Variants in DLEU7 observed in about 807,000 individuals in gnomAD.
DLEU7 encodes the protein leukemia-associated protein 7.
Under a neutral mutation model 16.0 loss-of-function variants are expected in DLEU7, and 17 were observed. The ratio of observed to expected loss-of-function variants is 1.06; its 90% confidence interval spans 0.73 to 1.59. DLEU7 has a LOEUF of 1.59. DLEU7 is among the 40% of genes most tolerant of loss of function. The pLI, the probability that DLEU7 is intolerant of heterozygous loss-of-function variation, is 0.00. For synonymous variants in DLEU7, 113 were observed against 139.8 expected (o/e 0.81, Z 1.35); for missense variants, 308 against 314.9 (o/e 0.98, Z 0.17).
At chr13:50,723,795 T>G (rs1278333469) in intron 1 of DLEU7, among the ~76,000 whole-genome samples, 1 of 151,926 alleles carries the variant, frequency 6.6e-6, no homozygotes, top group Non-Finnish European at 1.5e-5. Context: ...TGAATCTTTC[T>G]GGGGTGCAGT....
At chr13:50,818,652 A>G (rs953646668), downstream of DLEU7, 2 of 152,166 alleles carry the variant, frequency 1.3e-5, no homozygotes, top group African/African-American at 2.4e-5. Flanking sequence ...GCTTCTAACA[A>G]TGGAAATGTA....
chr13:50,784,466 GGGA>G (rs1364908592), intron 1 of DLEU7, among the ~76,000 whole-genome samples: 2 of 152,194 alleles, frequency 1.3e-5, no homozygotes, highest in African/African-American at 4.8e-5. Context: ...TCCATCTCAA[GGGA>G]GGAGAAGCAA....
At chr13:50,813,527 G>T (rs575388854) in intron 1 of DLEU7, among the ~76,000 whole-genome samples, 50 of 152,034 alleles carry the variant, frequency 3.3e-4, no homozygotes, top group African/African-American at 1.2e-3. Flanking sequence ...GATTCTAGGA[G>T]ATTTTTTCCA....
intron 1 of DLEU7, among the ~76,000 whole-genome samples, chr13:50,737,728 T>G (rs573291039): frequency 6.6e-6 from 1 of 152,104 alleles, no homozygotes; most frequent in Non-Finnish European, 1.5e-5. Flanking sequence ...TCTAATTCCC[T>G]GAGACACAAC....
At chr13:50,784,495 A>G (rs977210505) in intron 1 of DLEU7, among the ~76,000 whole-genome samples, 1 of 152,218 alleles carries the variant, frequency 6.6e-6, no homozygotes, top group African/African-American at 2.4e-5. Context: ...ATTTTCGATC[A>G]CATTATTCTC....
rs758164846 is a variant in DLEU7, at chr13:50,843,221, G to C, written c.426C>G (p.Leu142=). ...VSVEQTLLGP[L]QQERSFPIHL... ...GAATGGGAAAGGACCGCTCCTGCTG[G>C]AGGGGCCCCAGCAGCGTCTGCTCCA... The change falls in exon 1 of 2, where the codon CTC becomes CTG. Residue 142 remains leucine, a synonymous_variant. Coordinates refer to ENST00000504404, the MANE Select transcript of DLEU7 (RefSeq NM_001306135.2). The surrounding 1 kb of genome is among the most constrained non-coding windows in gnomAD (Gnocchi z 5.7). 1.9e-6 allele frequency: 3 copies of C among 1,593,960 alleles called. No individual in the cohort carries two copies. The highest frequency in any genetic ancestry group is 3.4e-5 in the Admixed American group (2 of 58,784).
At chr13:50,835,332 C>T (rs1048296979) in intron 1 of DLEU7, among the ~76,000 whole-genome samples, 16 of 152,174 alleles carry the variant, frequency 1.1e-4, no homozygotes, top group African/African-American at 3.9e-4. Context: ...GCTGTAGCTG[C>T]TCCGGTGGGG....
chr13:50,786,014 G>A (rs1875785318), intron 1 of DLEU7, among the ~76,000 whole-genome samples: 1 of 152,176 alleles, frequency 6.6e-6, no homozygotes, highest in African/African-American at 2.4e-5. Context: ...ATGAAAATTA[G>A]GTGGAGAAAC....
chr13:50,749,337 T>G (rs56290611), intron 1 of DLEU7, among the ~76,000 whole-genome samples: 1 of 152,172 alleles, frequency 6.6e-6, no homozygotes, highest in African/African-American at 2.4e-5. Flanking sequence ...CACTCTTTGA[T>G]TGATGGGCAT....
chr13:50,814,284 A>G (rs1265643673), intron 1 of DLEU7, among the ~76,000 whole-genome samples: 1 of 152,014 alleles, frequency 6.6e-6, no homozygotes, highest in African/African-American at 2.4e-5. Flanking sequence ...AATGCTGAGC[A>G]ACCCAGACGA....
At chr13:50,821,998 C>A (rs1876920580), downstream of DLEU7, among the ~76,000 whole-genome samples, 1 of 151,766 alleles carries the variant, frequency 6.6e-6, no homozygotes, top group Non-Finnish European at 1.5e-5. Context: ...GAAATAAATG[C>A]CCTTTATTTC....
intron 1 of DLEU7, among the ~76,000 whole-genome samples, chr13:50,807,059 T>G (rs540413947): frequency 3.3e-5 from 5 of 151,482 alleles, no homozygotes; most frequent in South Asian, 4.2e-4. Context: ...CTCCGCAAAC[T>G]TTAGTAAAGA....
chr13:50,750,947 C>T (rs777761705), intron 1 of DLEU7, among the ~76,000 whole-genome samples: 22 of 152,162 alleles, frequency 1.4e-4, no homozygotes, highest in Non-Finnish European at 2.1e-4. Context: ...TGTCTGATTG[C>T]TCTGGCTAGG....
At chr13:50,837,825 C>T (rs755494062) in intron 1 of DLEU7, among the ~76,000 whole-genome samples, 29 of 152,054 alleles carry the variant, frequency 1.9e-4, no homozygotes, top group Non-Finnish European at 3.7e-4. Flanking sequence ...TTGTGAATTC[C>T]GTTCTTGATA....
intron 1 of DLEU7, among the ~76,000 whole-genome samples, chr13:50,792,916 T>C (rs575057074): frequency 6.6e-6 from 1 of 152,202 alleles, no homozygotes; most frequent in East Asian, 1.9e-4. Context: ...ATGCACAGTT[T>C]CGTTACAAAT....
chr13:50,720,737 T>C (rs187546640), intron 1 of DLEU7, among the ~76,000 whole-genome samples: 2 of 152,268 alleles, frequency 1.3e-5, no homozygotes, highest in South Asian at 2.1e-4. Context: ...TTTGACATGA[T>C]AAACTTTTTA....
intron 1 of DLEU7, among the ~76,000 whole-genome samples, chr13:50,768,751 G>A (rs1297473947): frequency 6.6e-6 from 1 of 152,198 alleles, no homozygotes. Flanking sequence ...ACATACGTGT[G>A]CATGTGTCTT....
rs139195783 is a variant in DLEU7, at chr13:50,807,473, A to G, written c.459+35715T>C. Among the ~76,000 whole-genome samples, 239 of 151,870 alleles carry G rather than the reference A, an allele frequency of 1.6e-3. 1 individual carries two copies. The highest frequency in any genetic ancestry group is 5.4e-3 in the African/African-American group (225 of 41,468). On this transcript the variant is annotated intron_variant, in intron 1 of 1. Transcript: ENST00000400393. ...GCCTATAAAGCCTTTTCCAAACACA[A>G]ATTTAATCTTTGAGTGTTGAGGTTT... is the stretch of plus-strand genomic sequence containing the variant.
chr13:50,791,057 C>A (rs1055469276), intron 1 of DLEU7, among the ~76,000 whole-genome samples: 3 of 152,074 alleles, frequency 2.0e-5, no homozygotes, highest in African/African-American at 7.2e-5. Context: ...AGGGAGGACA[C>A]AAAGGAAGAG....
Sources: allele counts gnomAD v4.1 joint callset (sites outside exome capture counted in the v4.1 genomes callset), GRCh38; gene constraint gnomAD v4.1.1; non-coding constraint Gnocchi (gnomAD v3.1); transcripts MANE v1.5; gene names NCBI Gene and HGNC (gene_info 2026-07-23, HGNC 2026-07-21).